The following ADCYAP1R1 variants were observed in gnomAD, a reference collection of about 807,000 sequenced individuals.
The protein encoded by ADCYAP1R1 is pituitary adenylate cyclase-activating polypeptide type I receptor.
A neutral mutation model predicts 67.6 loss-of-function variants in ADCYAP1R1; 44 were observed. The ratio of observed to expected loss-of-function variants is 0.65; its 90% CI spans 0.51 to 0.84. The LOEUF is 0.84. ADCYAP1R1 is among the 40% of genes least tolerant of loss of function. ADCYAP1R1 has a pLI of 0.00. For synonymous variants in ADCYAP1R1, 222 were observed against 219.6 expected, an observed-to-expected ratio of 1.01 and a Z score of -0.10; for missense variants, 477 against 587.9, an observed-to-expected ratio of 0.81 and a Z score of 1.95.
intron 2 of ADCYAP1R1, among the ~76,000 whole-genome samples, 165 bp from the exon 3 acceptor site, chr7:31,064,666 T>TTGAGACACCTTGAGAG (rs1794655849): frequency 6.6e-6 from 1 of 152,116 alleles, no homozygotes; most frequent in African/African-American, 2.4e-5. Flanking sequence ...ATGGTGTCTC[T>TTGAGACACCTTGAGAG]CAAGGTGAAT....
At chr7:31,060,564 C>T (rs1287623012) in intron 1 of ADCYAP1R1, among the ~76,000 whole-genome samples, 1 of 151,866 alleles carries the variant, frequency 6.6e-6, no homozygotes, top group Non-Finnish European at 1.5e-5. Context: ...TGTGTATCCC[C>T]ATCATGGGAG....
intron 11 of ADCYAP1R1, 117 bp from the exon 12 acceptor site, chr7:31,087,510 C>T (rs930631316): frequency 1.7e-5 from 15 of 873,072 alleles, no homozygotes; most frequent in East Asian, 4.9e-5. Context: ...CCAGCCCCTC[C>T]TCAGAGAGCT....
chr7:31,059,341 C>G (rs1794392954), intron 1 of ADCYAP1R1, among the ~76,000 whole-genome samples: 1 of 152,204 alleles, frequency 6.6e-6, no homozygotes, highest in African/African-American at 2.4e-5. Flanking sequence ...TTTTCCCAAG[C>G]TCCTGGGGCA....
At chr7:31,083,097 G>T (rs1230526162) in intron 6 of ADCYAP1R1, among the ~76,000 whole-genome samples, 1 of 152,248 alleles carries the variant, frequency 6.6e-6, no homozygotes, top group African/African-American at 2.4e-5. Context: ...TTTTCTGCAG[G>T]TGTCTCTTGT....
intron 7 of ADCYAP1R1, 151 bp downstream of exon 7, chr7:31,084,401 G>T: frequency 1.5e-6 from 1 of 670,088 alleles, no homozygotes; most frequent in Non-Finnish European, 2.6e-6. Context: ...ACTCTTACAG[G>T]ATACTGGAAT....
chr7:31,062,286 C>T (rs1359898600), intron 1 of ADCYAP1R1, among the ~76,000 whole-genome samples: 1 of 152,148 alleles, frequency 6.6e-6, no homozygotes, highest in Non-Finnish European at 1.5e-5. Flanking sequence ...CTCTGGTCCC[C>T]ACCAGTGGCC....
intron 13 of ADCYAP1R1, chr7:31,100,082 C>T (rs1796376287): frequency 1.3e-6 from 2 of 1,529,578 alleles, no homozygotes; most frequent in South Asian, 2.4e-5. Context: ...TCTTCACTGC[C>T]TGGTGCCCCC....
At chr7:31,081,083 T>C (rs1795495048) in intron 5 of ADCYAP1R1, among the ~76,000 whole-genome samples, 1 of 151,984 alleles carries the variant, frequency 6.6e-6, no homozygotes, top group African/African-American at 2.4e-5. Flanking sequence ...AGTGAAGAAG[T>C]CAGGGGAGGC....
rs896737204 is a variant in ADCYAP1R1 at position 31,110,676 on chromosome 7, A to C, written c.*3992A>C. 1.3e-5 allele frequency: 2 copies of C among 152,790 alleles called. No individual in the cohort carries two copies. Among genetic ancestry groups the C allele is most frequent in the Non-Finnish European group, 2.9e-5 (2 of 68,060 alleles). The allele number at this position is 152,790 out of a possible 1,614,324, so 9.5% of individuals were successfully genotyped here. A position where few individuals can be genotyped will look rare whatever the true frequency, so the allele number is the denominator to read the frequency against. ...GTCCAGGACTCTTGCAGGAGAAGCA[A>C]TGGAGTCAGTGTGGTGTGGGGAGAC... On this transcript the variant is annotated 3_prime_UTR_variant, in exon 16 of 16. Transcript: ENST00000304166.
intron 13 of ADCYAP1R1, among the ~76,000 whole-genome samples, chr7:31,096,486 A>G (rs1382921333): frequency 6.6e-6 from 1 of 152,178 alleles, no homozygotes; most frequent in African/African-American, 2.4e-5. Flanking sequence ...GGCTGGCAGT[A>G]GGGACTAGTT....
At chr7:31,092,973 A>AGAGC (rs1252085355) in intron 13 of ADCYAP1R1, among the ~76,000 whole-genome samples, 1 of 152,186 alleles carries the variant, frequency 6.6e-6, no homozygotes, top group Non-Finnish European at 1.5e-5. Context: ...AGAGAGAGAG[A>AGAGC]GAGCCTGAGA....
Position 31,109,968 on chromosome 7 carries a change from A to C in ADCYAP1R1, c.*3284A>C, listed in dbSNP as rs1796794722. ...CCTACAGCGACTCTTCTCTAACCCC[A>C]CCCCCTCCAAGCTGGGTTCTTTGTG... On this transcript the variant is annotated 3_prime_UTR_variant, in exon 16 of 16. Transcript: ENST00000304166. 1 of 150,114 alleles carries C rather than the reference A, an allele frequency of 6.7e-6. No homozygotes were observed. The highest frequency in any genetic ancestry group is 6.7e-5 in the Admixed American group (1 of 15,012). 9.3% of individuals were successfully genotyped at this position (150,114 alleles called of 1,614,324 possible).
rs1190527938 is a variant in ADCYAP1R1, at chr7:31,099,868, C to T, written c.1047-3369C>T. On this transcript the variant is annotated intron_variant, in intron 13 of 15. Coordinates refer to ENST00000304166, the MANE Select transcript of ADCYAP1R1 (RefSeq NM_001118.5). ...TGAATACACACCTTCCCTCTAAACCCACCCACCTAGCAGTGGTCCCAGTGT... is the reference window on the plus strand; with the variant it reads ...TGAATACACACCTTCCCTCTAAACCTACCCACCTAGCAGTGGTCCCAGTGT... 3.3e-5 allele frequency among the ~76,000 whole-genome samples: 5 copies of T among 152,344 alleles called. No homozygotes were observed. In the East Asian group the frequency reaches 7.7e-4, roughly 24 times the overall value.
At chr7:31,103,572 G>C (rs1796518323) in intron 14 of ADCYAP1R1, among the ~76,000 whole-genome samples, 1 of 152,196 alleles carries the variant, frequency 6.6e-6, no homozygotes, top group Non-Finnish European at 1.5e-5. Context: ...TGAGTATCCT[G>C]AGCCAGCTGC....
intron 1 of ADCYAP1R1, among the ~76,000 whole-genome samples, chr7:31,053,530 G>A (rs184784292): frequency 6.6e-6 from 1 of 152,356 alleles, no homozygotes; most frequent in East Asian, 1.9e-4. Context: ...ACCCTCAGGA[G>A]GGAACCCAGC....
chr7:31,064,123 T>C (rs1281535424), intron 2 of ADCYAP1R1, among the ~76,000 whole-genome samples: 2 of 152,202 alleles, frequency 1.3e-5, no homozygotes, highest in African/African-American at 4.8e-5. Flanking sequence ...TGGTATAACT[T>C]TGGGCTGGAG....
rs937630747 is a variant in ADCYAP1R1, at chr7:31,087,873, T to G, written c.954+177T>G. Among the ~76,000 whole-genome samples the G allele has an allele frequency of 3.9e-5, 6 of 152,352 alleles. No individual in the cohort carries two copies. In the East Asian group the frequency reaches 1.2e-3, roughly 29 times the overall value. On this transcript the variant is annotated intron_variant, in intron 12 of 15. Coordinates refer to ENST00000304166, the MANE Select transcript of ADCYAP1R1 (RefSeq NM_001118.5). ...TAGCTATTCCCCTAACACTGGAGAT[T>G]TATATTGTCCCATTTTTTCCTTATT...
Position 31,108,621 on chromosome 7 carries a change from T to C in ADCYAP1R1, c.*1937T>C, listed in dbSNP as rs1796734977. ...CTTGTTCTGGGCTCCAGTTTTCCCA[T>C]TTGTGAGATGAGGCAACTTCCAATG... On this transcript the variant is annotated 3_prime_UTR_variant, in exon 16 of 16. Transcript: ENST00000304166. 6.6e-6 allele frequency: 1 copy of C among 152,264 alleles called. No individual in the cohort carries two copies. The highest frequency in any genetic ancestry group is 2.4e-5 in the African/African-American group (1 of 41,440). 9.4% of individuals were successfully genotyped at this position (152,264 alleles called of 1,614,324 possible).
chr7:31,056,549 G>A (rs1794253359), intron 1 of ADCYAP1R1, among the ~76,000 whole-genome samples: 1 of 151,932 alleles, frequency 6.6e-6, no homozygotes, highest in African/African-American at 2.4e-5. Context: ...GTGGGCCAAG[G>A]AGACACACCT....
Sources: gnomAD v4.1 joint callset for allele counts (sites outside exome capture counted in the v4.1 genomes callset) on GRCh38, gnomAD v4.1.1 for gene constraint, MANE v1.5 for transcripts, NCBI Gene and HGNC (gene_info 2026-07-23, HGNC 2026-07-21) for gene names.